Variants in PSMA3 observed in about 807,000 individuals in gnomAD.
The protein encoded by PSMA3 is proteasome subunit alpha type-3.
A neutral mutation model predicts 40.0 loss-of-function variants in PSMA3; 8 were observed. The observed-to-expected ratio is 0.20, with a 90% CI of 0.12 to 0.36. The LOEUF (loss-of-function observed/expected upper bound fraction) is 0.36, where lower values mean the gene tolerates loss of function less well. PSMA3 is among the 10% of genes least tolerant of loss of function. The probability of loss-of-function intolerance (pLI) is 1.00; values close to 1 mark genes in which losing one functional copy is unlikely to be tolerated. For missense variants in PSMA3, 219 were observed against 310.6 expected (o/e 0.70, Z 2.22); for synonymous variants, 110 against 100.0 (o/e 1.10, Z -0.59).
At chr14:58,258,893 T>C (rs1014249163) in intron 5 of PSMA3, among the ~76,000 whole-genome samples, 2 of 152,116 alleles carry the variant, frequency 1.3e-5, no homozygotes, top group East Asian at 1.9e-4. Flanking sequence ...TACTAAGATA[T>C]TAAAGAAAAC....
rs372493568 is a variant in PSMA3, at chr14:58,252,282, ATTTC to A, written c.228+44_228+47del. ...AAAATGTTCCTTTTTGTCTTGTCCA[ATTTC>A]TTTTGAAGTAACTGATTGGAATAGA... On this transcript the variant is annotated intron_variant, in intron 3 of 10. Coordinates refer to ENST00000216455, the MANE Select transcript of PSMA3 (RefSeq NM_002788.4). The A allele has an allele frequency of 1.3e-5, 21 of 1,586,644 alleles. No homozygotes were observed. The African/African-American group carries it at 1.5e-4, about 11-fold the overall frequency.
chr14:58,258,188 A>G, intron 5 of PSMA3, 190 bp downstream of exon 5: 1 of 518,706 alleles, frequency 1.9e-6, no homozygotes, highest in Non-Finnish European at 3.4e-6. Flanking sequence ...CTGTAATCCC[A>G]GTACTTTGGG....
At chr14:58,247,900 G>T (rs1313182581) in intron 2 of PSMA3, 68 bp downstream of exon 2, 1 of 1,057,370 alleles carries the variant, frequency 9.5e-7, no homozygotes, top group African/African-American at 1.6e-5. Context: ...ATTAGGCTTT[G>T]TTATGTTACT....
At chr14:58,263,799 T>C (rs758207309) in intron 7 of PSMA3, 29 bp downstream of exon 7, 3 of 1,594,378 alleles carry the variant, frequency 1.9e-6, no homozygotes, top group East Asian at 2.2e-5. Flanking sequence ...ATTTTTACTA[T>C]GTCGTCATCC....
At chr14:58,257,559 C>G (rs780970505) in intron 3 of PSMA3, among the ~76,000 whole-genome samples, 186 bp from the exon 4 acceptor site, 3 of 151,830 alleles carry the variant, frequency 2.0e-5, no homozygotes. Context: ...GTTATACTTA[C>G]TAAATTTCTA....
At chr14:58,265,395 A>C (rs964529695) in intron 7 of PSMA3, 4 of 152,246 alleles carry the variant, frequency 2.6e-5, no homozygotes, top group African/African-American at 4.8e-5. Flanking sequence ...TAATTGAGGA[A>C]CACTTTCAGT....
At chr14:58,257,699 T>A in intron 3 of PSMA3, 46 bp from the exon 4 acceptor site, 10 of 1,477,744 alleles carry the variant, frequency 6.8e-6, no homozygotes, top group Non-Finnish European at 8.4e-6. Context: ...GACTTTGATT[T>A]GTGATAGGAA....
At chr14:58,249,616 T>C (rs1566637661) in intron 2 of PSMA3, among the ~76,000 whole-genome samples, 2 of 152,114 alleles carry the variant, frequency 1.3e-5, no homozygotes, top group East Asian at 3.9e-4. Flanking sequence ...GGTCTCGAGC[T>C]ATTCTCCTCC....
intron 3 of PSMA3, among the ~76,000 whole-genome samples, chr14:58,253,365 G>A (rs150476174): frequency 2.4e-3 from 367 of 152,250 alleles, no homozygotes; most frequent in African/African-American, 8.5e-3. Context: ...GGGTCTGCAT[G>A]TTACTCAAGA....
At chr14:58,250,993 A>T (rs1446241218) in intron 2 of PSMA3, among the ~76,000 whole-genome samples, 1 of 152,016 alleles carries the variant, frequency 6.6e-6, no homozygotes, top group Non-Finnish European at 1.5e-5. Flanking sequence ...CAAAACAGAG[A>T]AGTTGTGCCG....
intron 3 of PSMA3, among the ~76,000 whole-genome samples, chr14:58,254,930 T>C (rs1890109519): frequency 6.6e-6 from 1 of 152,172 alleles, no homozygotes; most frequent in South Asian, 2.1e-4. Flanking sequence ...GAGTGCTCAG[T>C]ATCTCTTAGT....
intron 2 of PSMA3, among the ~76,000 whole-genome samples, chr14:58,248,595 T>C (rs1889929936): frequency 6.6e-6 from 1 of 152,172 alleles, no homozygotes; most frequent in South Asian, 2.1e-4. Context: ...GTCAGATTTA[T>C]GCAAATATGA....
rs536858057 is a variant in PSMA3, at chr14:58,267,439, C to G, written c.544-35C>G. Reference sequence around the variant, plus strand: ...AGTTATTACACAAGTGGAAAATGTTCTTCTGATGAACAGTATACATTTTAT... The same window carrying G: ...AGTTATTACACAAGTGGAAAATGTTGTTCTGATGAACAGTATACATTTTAT... On this transcript the variant is annotated intron_variant, in intron 7 of 10. Transcript: ENST00000216455. 3.4e-6 allele frequency: 5 copies of G among 1,468,016 alleles called. No homozygotes were observed. In the South Asian group the frequency reaches 7.6e-5, roughly 22 times the overall value. 90.9% of individuals were successfully genotyped at this position (1,468,016 alleles called of 1,614,324 possible). A position where few individuals can be genotyped will look rare whatever the true frequency, so the allele number is the denominator to read the frequency against.
chr14:58,267,241 A>G (rs1890469500), intron 7 of PSMA3: 4 of 583,486 alleles, frequency 6.9e-6, no homozygotes, highest in East Asian at 7.5e-5. Context: ...ACTTCAGGCA[A>G]TCCGGCCGCC....
chr14:58,266,203 TTA>T (rs534249818), intron 7 of PSMA3: 64 of 152,316 alleles, frequency 4.2e-4, no homozygotes, highest in African/African-American at 1.4e-3. Flanking sequence ...AAATTTAAAT[TTA>T]GTGTTATTTT....
At position 58,247,232 on chromosome 14, in the gene PSMA3, C is replaced by T. The variant is rs536321129; in HGVS notation, c.22-518C>T. Among the ~76,000 whole-genome samples the T allele has an allele frequency of 3.0e-4, 46 of 152,288 alleles. 1 individual carries two copies. Among genetic ancestry groups the T allele is most frequent in the African/African-American group, 1.1e-3 (45 of 41,570 alleles). ...GTTCATTGCTTTACTCTTTTATTTT[C>T]ATCTTAGTGCCTTTTCTGATTTACT... On this transcript the variant is annotated intron_variant, in intron 1 of 10. Coordinates refer to ENST00000216455, the MANE Select transcript of PSMA3 (RefSeq NM_002788.4).
chr14:58,269,221 C>T (rs373336332), intron 8 of PSMA3, among the ~76,000 whole-genome samples: 92 of 152,214 alleles, frequency 6.0e-4, no homozygotes, highest in African/African-American at 1.4e-3. Flanking sequence ...TGTGAACCAC[C>T]GCACCTGGCC....
At chr14:58,258,033 C>T (rs1358210809) in intron 5 of PSMA3, 35 bp downstream of exon 5, 7 of 1,478,086 alleles carry the variant, frequency 4.7e-6, no homozygotes, top group Non-Finnish European at 5.7e-6. Flanking sequence ...AAAGGCAGAT[C>T]TGTACTATAG....
chr14:58,255,673 G>T (rs1040746038), intron 3 of PSMA3, among the ~76,000 whole-genome samples: 1 of 152,160 alleles, frequency 6.6e-6, no homozygotes, highest in Non-Finnish European at 1.5e-5. Context: ...GGAGGCTGAG[G>T]CAGGAGAATC....
Sources: allele counts gnomAD v4.1 joint callset (sites outside exome capture counted in the v4.1 genomes callset), GRCh38; gene constraint gnomAD v4.1.1; transcripts MANE v1.5; gene names NCBI Gene and HGNC (gene_info 2026-07-23, HGNC 2026-07-21).